Variants in GLIS3 observed in about 807,000 individuals in gnomAD.
The protein encoded by GLIS3 is GLIS family zinc finger 3, also known as zinc finger protein GLIS3.
Under a neutral mutation model 78.6 loss-of-function variants are expected in GLIS3, and 53 were observed. That is an observed-to-expected ratio of 0.67 (90% CI 0.54 to 0.85). The LOEUF is 0.85. GLIS3 is among the 40% of genes least tolerant of loss of function. GLIS3 has a pLI of 0.00. For synonymous variants in GLIS3, 684 were observed against 509.9 expected (o/e 1.34, Z -4.60); for missense variants, 1,703 against 1,231.1 (o/e 1.38, Z -5.74).
chr9:4,039,347 A>G (rs1588511530), intron 4 of GLIS3, among the ~76,000 whole-genome samples: 2 of 152,228 alleles, frequency 1.3e-5, no homozygotes, highest in Admixed American at 6.5e-5. Flanking sequence ...GCCACTGAAT[A>G]GCAAAATAGA....
intron 8 of GLIS3, among the ~76,000 whole-genome samples, chr9:3,856,791 G>C (rs964766290): frequency 6.6e-6 from 1 of 152,188 alleles, no homozygotes; most frequent in African/African-American, 2.4e-5. Context: ...TCCGTGCTTG[G>C]CAAAGAGTGT....
chr9:3,869,864 T>C (rs1425354088), intron 8 of GLIS3, among the ~76,000 whole-genome samples: 2 of 152,182 alleles, frequency 1.3e-5, no homozygotes, highest in Admixed American at 6.5e-5. Context: ...AAACAGATGA[T>C]AAGATCCAAG....
intron 4 of GLIS3, chr9:4,305,489 AC>A (rs1472006320): frequency 1.3e-5 from 2 of 152,160 alleles, no homozygotes; most frequent in East Asian, 3.8e-4. Context: ...AGGGAAATTG[AC>A]CCCAGCCCCA....
intron 9 of GLIS3, among the ~76,000 whole-genome samples, chr9:3,838,716 C>T (rs748405674): frequency 7.1e-6 from 1 of 141,202 alleles, no homozygotes; most frequent in East Asian, 2.1e-4. Context: ...ACTAAACAGT[C>T]TTTGAAAATA....
At chr9:4,468,731 A>C in the GLIS3 span, among the ~76,000 whole-genome samples, 1 of 152,224 alleles carries the variant, frequency 6.6e-6, no homozygotes, top group South Asian at 2.1e-4. Context: ...GCATCAAATA[A>C]TGAGCAAAAT....
chr9:3,914,959 C>T (rs117309017), intron 6 of GLIS3, among the ~76,000 whole-genome samples: 1 of 152,056 alleles, frequency 6.6e-6, no homozygotes, highest in Non-Finnish European at 1.5e-5. Flanking sequence ...GAATTACTGT[C>T]AGTAATTTCC....
At chr9:4,442,205 C>A in the GLIS3 span, among the ~76,000 whole-genome samples, 1 of 152,170 alleles carries the variant, frequency 6.6e-6, no homozygotes, top group Non-Finnish European at 1.5e-5. Flanking sequence ...AGGAATTTAT[C>A]TATTCCTTGT....
intron 2 of GLIS3, among the ~76,000 whole-genome samples, chr9:4,314,409 G>A (rs71510213): frequency 0.054 from 8,280 of 152,092 alleles, 314 homozygotes; most frequent in Admixed American, 0.11. Context: ...CCCACTCCAT[G>A]CAAAAAAAGA....
chr9:4,076,897 G>C (rs1262010954), intron 4 of GLIS3, among the ~76,000 whole-genome samples: 1 of 152,056 alleles, frequency 6.6e-6, no homozygotes, highest in African/African-American at 2.4e-5. Context: ...TCTCTATCAA[G>C]AAAATATAAA....
intron 2 of GLIS3, among the ~76,000 whole-genome samples, chr9:4,250,800 T>C (rs1392298701): frequency 6.6e-6 from 1 of 152,238 alleles, no homozygotes; most frequent in Non-Finnish European, 1.5e-5. Context: ...CCAGAGATTC[T>C]GGTACGTTGT....
At chr9:4,385,493 GTC>G in the GLIS3 span, among the ~76,000 whole-genome samples, 3 of 151,852 alleles carry the variant, frequency 2.0e-5, no homozygotes, top group Non-Finnish European at 4.4e-5. Context: ...GCATAACCCT[GTC>G]TCTACTAAAA....
At chr9:4,312,950 C>G (rs73386210) in intron 2 of GLIS3, among the ~76,000 whole-genome samples, 46 of 152,330 alleles carry the variant, frequency 3.0e-4, no homozygotes, top group African/African-American at 1.1e-3. Context: ...CATGCACACA[C>G]TGAGGTACAG....
At chr9:3,844,007 A>G (rs990939989) in intron 9 of GLIS3, among the ~76,000 whole-genome samples, 10 of 152,214 alleles carry the variant, frequency 6.6e-5, no homozygotes, top group Admixed American at 6.5e-4. Context: ...AGTCTGAACA[A>G]TCTGGTTAGA....
At chr9:4,170,783 TC>T (rs932668198) in intron 2 of GLIS3, among the ~76,000 whole-genome samples, 6 of 152,008 alleles carry the variant, frequency 3.9e-5, no homozygotes, top group African/African-American at 1.5e-4. Context: ...ACTACCTAAA[TC>T]CACATAGGCA....
chr9:4,153,494 G>A (rs1834833067), intron 2 of GLIS3, among the ~76,000 whole-genome samples: 1 of 152,094 alleles, frequency 6.6e-6, no homozygotes, highest in Non-Finnish European at 1.5e-5. Flanking sequence ...AGCCCAGGAG[G>A]CAGAGGTTGC....
At chr9:3,845,829 C>T (rs1037635366) in intron 9 of GLIS3, among the ~76,000 whole-genome samples, 1 of 152,190 alleles carries the variant, frequency 6.6e-6, no homozygotes, top group Non-Finnish European at 1.5e-5. Context: ...GGACAGCCCC[C>T]AATCAAAGGC....
intron 2 of GLIS3, among the ~76,000 whole-genome samples, chr9:4,224,026 A>G (rs1025713052): frequency 5.3e-5 from 8 of 152,084 alleles, no homozygotes; most frequent in Non-Finnish European, 1.2e-4. Context: ...CCACCAGAGT[A>G]AACTGCTAAA....
rs1296875151 is a variant in GLIS3 at position 3,824,589 on chromosome 9, A to T, written c.*3683T>A. On this transcript the variant is annotated 3_prime_UTR_variant, in exon 11 of 11. Coordinates refer to ENST00000381971, the MANE Select transcript of GLIS3 (RefSeq NM_001042413.2). The stretch of plus-strand genomic sequence containing the variant: ...ATAACTTATGATTATATGAAACATA[A>T]CTGTGACAAATCACAAAACTATACA... The T allele has an allele frequency of 6.6e-6, 1 of 152,502 alleles. No homozygotes were observed. Among genetic ancestry groups the T allele is most frequent in the East Asian group, 1.9e-4 (1 of 5,198 alleles). The allele number at this position is 152,502 out of a possible 1,614,324, so 9.4% of individuals were successfully genotyped here.
intron 2 of GLIS3, among the ~76,000 whole-genome samples, chr9:4,203,964 A>T (rs925994393): frequency 6.6e-5 from 10 of 152,326 alleles, no homozygotes; most frequent in Admixed American, 3.3e-4. Flanking sequence ...TACAGTGGGG[A>T]AAGAGAAATG....
Sources: gnomAD v4.1 joint callset for allele counts (sites outside exome capture counted in the v4.1 genomes callset) on GRCh38, gnomAD v4.1.1 for gene constraint, MANE v1.5 for transcripts, NCBI Gene and HGNC (gene_info 2026-07-23, HGNC 2026-07-21) for gene names.